The following DGLUCY variants were observed in gnomAD, a reference collection of about 807,000 sequenced individuals.
DGLUCY encodes D-glutamate cyclase, mitochondrial.
In DGLUCY, 58 loss-of-function variants were observed where a neutral mutation model predicts 58.5. The ratio of observed to expected loss-of-function variants is 0.99; its 90% CI spans 0.80 to 1.23. The LOEUF is 1.23. Among genes scored for constraint, DGLUCY ranks in the 50% most tolerant of loss-of-function variants. DGLUCY has a pLI of 0.00. For missense variants in DGLUCY, 779 were observed against 784.7 expected (o/e 0.99, Z 0.09); for synonymous variants, 325 against 314.1 (o/e 1.03, Z -0.37).
chr14:91,091,145 AATACAATACAATACC>A (rs1243711696), intron 1 of DGLUCY: 2 of 152,206 alleles, frequency 1.3e-5, no homozygotes, highest in South Asian at 2.1e-4. Context: ...CCCAAATAAA[AATACAATACAATACC>A]ATACAATACA....
chr14:91,132,563 C>T, intron 1 of DGLUCY, among the ~76,000 whole-genome samples: 1 of 152,002 alleles, frequency 6.6e-6, no homozygotes, highest in Non-Finnish European at 1.5e-5. Context: ...ACCGCAACCT[C>T]CACCTCCTGA....
chr14:91,141,542 C>CAA (rs1299683331), intron 1 of DGLUCY, among the ~76,000 whole-genome samples: 2 of 146,784 alleles, frequency 1.4e-5, no homozygotes, highest in African/African-American at 2.5e-5. Flanking sequence ...AATGGATACT[C>CAA]AGAGAGGTTA....
At position 91,129,446 on chromosome 14, in the gene DGLUCY, A is replaced by T. The variant is rs181870877; in HGVS notation, c.-82+15163A>T. ...AGCCTATTTTAATGCTGTATATAAGAATATGCTAGCCGGGTATGGTGACTC... is the reference window on the plus strand; with the variant it reads ...AGCCTATTTTAATGCTGTATATAAGTATATGCTAGCCGGGTATGGTGACTC... On this transcript the variant is annotated intron_variant, in intron 1 of 13. Transcript: ENST00000256324. Among the ~76,000 whole-genome samples, 460 of 152,164 alleles carry T rather than the reference A, an allele frequency of 3.0e-3. 3 individuals carry two copies. The highest frequency in any genetic ancestry group is 9.0e-3 in the African/African-American group (374 of 41,518).
chr14:91,060,650 A>T (rs2043638396), exon 1 of DGLUCY: 1 of 489,214 alleles, frequency 2.0e-6, no homozygotes, highest in Non-Finnish European at 3.2e-6. Flanking sequence ...GCGCAACCAA[A>T]CCGCCCCCTG....
At position 91,224,822 on chromosome 14, in the gene DGLUCY, G is replaced by T; in HGVS notation, c.1855G>T (p.Ala619Ser). 6.2e-7 allele frequency: 1 copy of T among 1,611,816 alleles called. No homozygotes were observed. The highest frequency in any genetic ancestry group is 1.7e-4 in the Middle Eastern group (1 of 5,988). The change falls in exon 14 of 14, where the codon GCA becomes TCA. Residue 619 changes from alanine to serine, a missense_variant. Transcript: ENST00000256324. The part of the protein sequence containing the change: ...MIQKLVDVTT[A>S]QV ...CCAGAAGCTGGTGGACGTCACCACG[G>T]CACAGGTGTAACCGTCCATGTTCCG...
At chr14:91,186,352 T>C (rs930543349) in intron 8 of DGLUCY, among the ~76,000 whole-genome samples, 7 of 152,144 alleles carry the variant, frequency 4.6e-5, no homozygotes, top group Non-Finnish European at 1.0e-4. Context: ...GTTCAAGTGA[T>C]TCTCCTGCCT....
chr14:91,104,401 C>T (rs117647085), upstream of DGLUCY, among the ~76,000 whole-genome samples: 129 of 152,138 alleles, frequency 8.5e-4, 2 homozygotes, highest in East Asian at 0.024. Flanking sequence ...AAGGGTGTTG[C>T]TACCAGCATC....
intron 1 of DGLUCY, among the ~76,000 whole-genome samples, chr14:91,140,447 G>A (rs1351609267): frequency 6.6e-6 from 1 of 152,174 alleles, no homozygotes; most frequent in Non-Finnish European, 1.5e-5. Flanking sequence ...TGAGGCTGGC[G>A]GATCACCTGA....
At chr14:91,175,323 C>G (rs2048795843) in intron 6 of DGLUCY, among the ~76,000 whole-genome samples, 2 of 152,032 alleles carry the variant, frequency 1.3e-5, no homozygotes, top group Non-Finnish European at 2.9e-5. Context: ...GAGACTGGGC[C>G]TTGGTTGAGG....
chr14:91,209,437 G>T (rs1053863275), intron 12 of DGLUCY, among the ~76,000 whole-genome samples: 1 of 151,164 alleles, frequency 6.6e-6, no homozygotes, highest in Non-Finnish European at 1.5e-5. Context: ...GGCCGCGTGC[G>T]GTGGCTCACG....
intron 1 of DGLUCY, among the ~76,000 whole-genome samples, chr14:91,088,643 G>C (rs778869722): frequency 6.6e-6 from 1 of 152,202 alleles, no homozygotes; most frequent in Admixed American, 6.5e-5. Flanking sequence ...GGAGAGAGGG[G>C]AGAAGAGGAC....
chr14:91,119,248 A>G (rs999185604), intron 1 of DGLUCY, among the ~76,000 whole-genome samples: 16 of 152,116 alleles, frequency 1.1e-4, no homozygotes, highest in Admixed American at 6.6e-4. Flanking sequence ...GTGACTCAAC[A>G]TCACCTTCAC....
At position 91,199,904 on chromosome 14, in the gene DGLUCY, T is replaced by C. The variant is rs28715808; in HGVS notation, c.1443T>C (p.Thr481=). ...AGAAGATTCCTGGAATCTCATCAACTGGTAAGTATGGAGTACTGGGGATGC... is the reference window on the plus strand; with the variant it reads ...AGAAGATTCCTGGAATCTCATCAACCGGTAAGTATGGAGTACTGGGGATGC... The part of the protein sequence containing the change: ...AAKKIPGISS[T]GVGDGGNELG... Residue 481 remains threonine, a splice_region_variant and synonymous_variant, in exon 11 of 14, where the codon ACT becomes ACC. Transcript: ENST00000256324. 0.016 allele frequency: 25,667 copies of C among 1,614,090 alleles called. 527 individuals carry two copies. Among genetic ancestry groups the C allele is most frequent in the African/African-American group, 0.091 (6,821 of 74,996 alleles).
rs927900314 is a variant in DGLUCY, at chr14:91,225,025, A to G, written c.*192A>G. The G allele has an allele frequency of 1.5e-5, 8 of 519,368 alleles. No individual in the cohort carries two copies. Among genetic ancestry groups the G allele is most frequent in the African/African-American group, 2.0e-5 (1 of 51,068 alleles). 32.2% of individuals were successfully genotyped at this position (519,368 alleles called of 1,614,324 possible). The stretch of plus-strand genomic sequence containing the variant: ...GTGCAGGTGCTGTGGACAAAGGACA[A>G]CATTTCTCTGGGGCTTTTTAACTTT... On this transcript the variant is annotated 3_prime_UTR_variant, in exon 14 of 14. Coordinates refer to ENST00000256324, the MANE Select transcript of DGLUCY (RefSeq NM_001102368.3).
intron 7 of DGLUCY, among the ~76,000 whole-genome samples, chr14:91,179,732 CAG>C (rs1461299212): frequency 1.3e-5 from 2 of 148,998 alleles, no homozygotes; most frequent in African/African-American, 2.5e-5. Context: ...ACCTGGGCGA[CAG>C]AGCAAGGTTC....
chr14:91,126,388 C>T lies in DGLUCY; in HGVS notation c.-82+12105C>T, dbSNP rs138878456. 22 of 110,596 alleles carry T rather than the reference C, an allele frequency of 2.0e-4. No individual in the cohort carries two copies. In the East Asian group the frequency reaches 5.6e-3, roughly 28 times the overall value. 6.9% of individuals were successfully genotyped at this position (110,596 alleles called of 1,614,324 possible). A position where few individuals can be genotyped will look rare whatever the true frequency, so the allele number is the denominator to read the frequency against. On this transcript the variant is annotated intron_variant, in intron 1 of 13. Transcript: ENST00000256324. ...ACAGGATGGCCCCTTCTGTGTTTCT[C>T]CTGTCATGTCTGTGCCTTCTTATAA...
intron 1 of DGLUCY, among the ~76,000 whole-genome samples, chr14:91,078,897 T>TTTAC (rs1478345106): frequency 1.0e-4 from 15 of 148,758 alleles, no homozygotes; most frequent in Non-Finnish European, 2.1e-4. Flanking sequence ...TATTTATTTA[T>TTTAC]TTATTTATTT....
intron 1 of DGLUCY, among the ~76,000 whole-genome samples, chr14:91,065,637 G>C (rs1209995916): frequency 6.6e-6 from 1 of 152,100 alleles, no homozygotes; most frequent in Non-Finnish European, 1.5e-5. Context: ...GTACAACCAA[G>C]TTTGTAATGC....
At chr14:91,208,832 G>A (rs1885192601) in intron 12 of DGLUCY, among the ~76,000 whole-genome samples, 1 of 152,192 alleles carries the variant, frequency 6.6e-6, no homozygotes, top group Non-Finnish European at 1.5e-5. Context: ...GTTATAAGTT[G>A]CTTGTGCTAC....
Sources: gnomAD v4.1 joint callset for allele counts (sites outside exome capture counted in the v4.1 genomes callset) on GRCh38, gnomAD v4.1.1 for gene constraint, MANE v1.5 for transcripts, NCBI Gene and HGNC (gene_info 2026-07-23, HGNC 2026-07-21) for gene names.